KCNQ5: variants seen among roughly 807,000 people sequenced by gnomAD.
KCNQ5 encodes potassium voltage-gated channel subfamily Q member 5, also known as potassium voltage-gated channel subfamily KQT member 5.
In KCNQ5, 30 loss-of-function variants were observed where a neutral mutation model predicts 98.2. The ratio of observed to expected loss-of-function variants is 0.31; its 90% CI spans 0.23 to 0.41. The LOEUF (loss-of-function observed/expected upper bound fraction) is 0.41, where lower values mean the gene tolerates loss of function less well. Among genes scored for constraint, KCNQ5 ranks in the 10% least tolerant of loss-of-function variants. The pLI is 1.00. For synonymous variants in KCNQ5, 458 were observed against 449.4 expected (o/e 1.02, Z -0.24); for missense variants, 835 against 1,182.5 (o/e 0.71, Z 4.31).
chr6:72,960,809 A>T (rs1305397912), intron 1 of KCNQ5, among the ~76,000 whole-genome samples: 1 of 152,238 alleles, frequency 6.6e-6, no homozygotes, highest in Non-Finnish European at 1.5e-5. Flanking sequence ...CTGTGCCCGT[A>T]GTTCCCACCA....
At position 73,195,180 on chromosome 6, in the gene KCNQ5, A is replaced by G. The variant is rs1224068324; in HGVS notation, c.2565A>G (p.Arg855=). The G allele has an allele frequency of 6.2e-7, 1 of 1,614,198 alleles. No homozygotes were observed. The highest frequency in any genetic ancestry group is 1.1e-5 in the South Asian group (1 of 91,088). ...QLSGSESSGS[R]GSQDFYPKWR... is the part of the protein sequence containing the mutation. ...CAGGGAGTGAGTCAAGTGGCTCCAG[A>G]GGCAGCCAAGATTTTTACCCCAAAT... The change falls in exon 14 of 14, where the codon AGA becomes AGG. Residue 855 remains arginine (R), a synonymous_variant. Coordinates refer to ENST00000370398, the MANE Select transcript of KCNQ5 (RefSeq NM_019842.4).
chr6:72,881,059 CT>C (rs2150172894), intron 1 of KCNQ5, among the ~76,000 whole-genome samples: 1 of 152,308 alleles, frequency 6.6e-6, no homozygotes, highest in Admixed American at 6.5e-5. Flanking sequence ...TGATAGCCAA[CT>C]TTTAATGAGT....
At chr6:72,900,406 AATATAT>A (rs952972518) in intron 1 of KCNQ5, among the ~76,000 whole-genome samples, 1 of 145,756 alleles carries the variant, frequency 6.9e-6, no homozygotes, top group Non-Finnish European at 1.5e-5. Flanking sequence ...TATATGATGA[AATATAT>A]ATATATAAAC....
At chr6:72,773,161 A>G (rs1423609579) in intron 1 of KCNQ5, among the ~76,000 whole-genome samples, 1 of 152,164 alleles carries the variant, frequency 6.6e-6, no homozygotes, top group Non-Finnish European at 1.5e-5. Flanking sequence ...AAATCATTCT[A>G]CTACAAAGAC....
At chr6:72,672,342 C>T (rs1007203124) in intron 1 of KCNQ5, among the ~76,000 whole-genome samples, 5 of 152,004 alleles carry the variant, frequency 3.3e-5, no homozygotes, top group Admixed American at 6.6e-5. Flanking sequence ...GAGTGATCCA[C>T]GCATCTCTGC....
At chr6:72,776,237 A>G (rs6926423) in intron 1 of KCNQ5, among the ~76,000 whole-genome samples, 90,608 of 152,056 alleles carry the variant, frequency 0.6, 27,020 homozygotes, top group Admixed American at 0.63. Flanking sequence ...ATAACAGAAT[A>G]TATAGGTAGA....
chr6:72,769,459 TA>T (rs1472135154), intron 1 of KCNQ5, among the ~76,000 whole-genome samples: 1 of 152,004 alleles, frequency 6.6e-6, no homozygotes, highest in Non-Finnish European at 1.5e-5. Context: ...GTTTCTAAAA[TA>T]AAATATCGAT....
chr6:72,758,088 A>G (rs1772062530), intron 1 of KCNQ5, among the ~76,000 whole-genome samples: 1 of 151,916 alleles, frequency 6.6e-6, no homozygotes, highest in Admixed American at 6.6e-5. Flanking sequence ...GAGGTCCCCC[A>G]GGCAGCCAGG....
intron 1 of KCNQ5, among the ~76,000 whole-genome samples, chr6:72,680,645 A>G (rs1178860317): frequency 6.6e-6 from 1 of 152,228 alleles, no homozygotes; most frequent in Non-Finnish European, 1.5e-5. Context: ...TACTCGTTAA[A>G]ATGCTTCAGT....
At chr6:73,139,006 G>A (rs1232314009) in intron 10 of KCNQ5, among the ~76,000 whole-genome samples, 2 of 152,178 alleles carry the variant, frequency 1.3e-5, no homozygotes, top group South Asian at 2.1e-4. Flanking sequence ...TCAGAGATAA[G>A]ACAGCTCTCC....
At chr6:72,649,300 C>G (rs9350467) in intron 1 of KCNQ5, among the ~76,000 whole-genome samples, 1 of 152,014 alleles carries the variant, frequency 6.6e-6, no homozygotes, top group African/African-American at 2.4e-5. Flanking sequence ...CTTAAACAGA[C>G]ATGCACGTGT....
At chr6:72,827,402 CT>C (rs1267457667) in intron 1 of KCNQ5, among the ~76,000 whole-genome samples, 5 of 151,988 alleles carry the variant, frequency 3.3e-5, no homozygotes, top group African/African-American at 1.2e-4. Flanking sequence ...TATTTTTTGT[CT>C]TTTTTATAAT....
At chr6:72,954,182 C>T (rs1766935116) in intron 1 of KCNQ5, among the ~76,000 whole-genome samples, 1 of 152,146 alleles carries the variant, frequency 6.6e-6, no homozygotes, top group South Asian at 2.1e-4. Context: ...TCACTAAAAC[C>T]ATATCAAGCT....
intron 1 of KCNQ5, among the ~76,000 whole-genome samples, chr6:72,894,484 T>C (rs1156390189): frequency 6.6e-6 from 1 of 152,206 alleles, no homozygotes; most frequent in Admixed American, 6.5e-5. Context: ...TCCAAGAGGT[T>C]ATGTCTCAAG....
chr6:72,957,448 G>C (rs1430242574), intron 1 of KCNQ5, among the ~76,000 whole-genome samples: 1 of 152,036 alleles, frequency 6.6e-6, no homozygotes, highest in Non-Finnish European at 1.5e-5. Flanking sequence ...TGGTATTACA[G>C]GCATGAGTCC....
chr6:73,054,980 AC>A, intron 3 of KCNQ5: 2 of 420,358 alleles, frequency 4.8e-6, no homozygotes, highest in Non-Finnish European at 8.9e-6. Context: ...TTGATAAACA[AC>A]TTCAGCAAAG....
intron 1 of KCNQ5, among the ~76,000 whole-genome samples, chr6:72,985,923 G>A (rs1768751080): frequency 6.6e-6 from 1 of 152,118 alleles, no homozygotes; most frequent in Admixed American, 6.5e-5. Flanking sequence ...GCCCATCAAT[G>A]GTGGATCGGA....
chr6:72,670,700 C>G (rs1328532461), intron 1 of KCNQ5, among the ~76,000 whole-genome samples: 1 of 152,204 alleles, frequency 6.6e-6, no homozygotes, highest in African/African-American at 2.4e-5. Context: ...TAGACAGACA[C>G]CTTCTTGCTG....
chr6:72,956,931 A>T (rs927049620), intron 1 of KCNQ5, among the ~76,000 whole-genome samples: 1 of 152,102 alleles, frequency 6.6e-6, no homozygotes, highest in African/African-American at 2.4e-5. Flanking sequence ...TTAATAGACT[A>T]TTTAAAGGTT....
Sources: gnomAD v4.1 joint callset for allele counts (sites outside exome capture counted in the v4.1 genomes callset) on GRCh38, gnomAD v4.1.1 for gene constraint, MANE v1.5 for transcripts, NCBI Gene and HGNC (gene_info 2026-07-23, HGNC 2026-07-21) for gene names.